Variants in SUPT3H observed in about 807,000 individuals in gnomAD.
SUPT3H encodes the protein SPT3 homolog, SAGA and STAGA complex component.
SUPT3H carries 44 observed loss-of-function variants against 44.3 expected under a neutral mutation model. That is an observed-to-expected ratio of 0.99 (90% CI 0.78 to 1.28). The LOEUF is 1.28. SUPT3H is among the 50% of genes most tolerant of loss of function. The pLI, the probability that SUPT3H is intolerant of heterozygous loss-of-function variation, is 0.00. For missense variants in SUPT3H, 380 were observed against 387.1 expected, an observed-to-expected ratio of 0.98 and a Z score of 0.15; for synonymous variants, 124 against 125.6, an observed-to-expected ratio of 0.99 and a Z score of 0.09.
At chr6:45,167,695 A>T (rs1045094203) in intron 2 of SUPT3H, among the ~76,000 whole-genome samples, 8 of 152,020 alleles carry the variant, frequency 5.3e-5, no homozygotes, top group African/African-American at 1.9e-4. Context: ...GAATAAGGAA[A>T]ATTTAGAGGA....
At position 44,851,825 on chromosome 6, in the gene SUPT3H, C is replaced by A. The variant is rs1413432107; in HGVS notation, c.913-21968G>T. 1.9e-4 allele frequency among the ~76,000 whole-genome samples: 29 copies of A among 152,136 alleles called. 1 individual carries two copies. Among genetic ancestry groups the A allele is most frequent in the Admixed American group, 1.9e-3 (29 of 15,278 alleles). On this transcript the variant is annotated intron_variant, in intron 10 of 10. Coordinates refer to ENST00000371459, the MANE Select transcript of SUPT3H (RefSeq NM_003599.4). ...GGAGTGATTTCTATAAAAAGCTGCT[C>A]ATTGAGCCCCTGATCAAGATTATAA...
chr6:44,943,763 C>T (rs951605319), intron 9 of SUPT3H, among the ~76,000 whole-genome samples: 18 of 152,092 alleles, frequency 1.2e-4, no homozygotes, highest in African/African-American at 3.1e-4. Flanking sequence ...ATAAAACTTT[C>T]GAGACAGAAT....
intron 9 of SUPT3H, among the ~76,000 whole-genome samples, chr6:44,937,911 T>A (rs1017381305): frequency 7.2e-6 from 1 of 138,036 alleles, no homozygotes; most frequent in Non-Finnish European, 1.6e-5. Context: ...TTTTTTTTTT[T>A]TTTTTTTTTT....
intron 2 of SUPT3H, among the ~76,000 whole-genome samples, chr6:45,225,274 C>T (rs1369617035): frequency 1.6e-5 from 1 of 62,132 alleles, no homozygotes; most frequent in South Asian, 8.2e-4. Flanking sequence ...AGCGAAACTC[C>T]ATCTAAAAAA....
At chr6:45,230,686 A>ATATATATATATATATTTT (rs796866510) in intron 2 of SUPT3H, among the ~76,000 whole-genome samples, 8 of 116,814 alleles carry the variant, frequency 6.8e-5, no homozygotes, top group South Asian at 6.2e-4. Context: ...ATATATATAT[A>ATATATATATATATATTTT]TTTTTGAGAT....
At chr6:45,140,749 G>T (rs1208013349) in intron 2 of SUPT3H, among the ~76,000 whole-genome samples, 2 of 152,078 alleles carry the variant, frequency 1.3e-5, no homozygotes, top group Non-Finnish European at 2.9e-5. Flanking sequence ...ACATTCCCCA[G>T]CACCAGCCCA....
In SUPT3H at chr6:45,003,758, T is replaced by C; in HGVS notation, c.399A>G (p.Arg133=). ...KLSGSNNANK[R]QKIAQDFLNS... Reference sequence around the variant, plus strand: ...TGAGGAAGTCCTGAGCAATCTTTTGTCTTTTGTTCGCATTATTGCTGCCAC... The same window carrying C: ...TGAGGAAGTCCTGAGCAATCTTTTGCCTTTTGTTCGCATTATTGCTGCCAC... Residue 133 remains arginine, a synonymous_variant, in exon 6 of 11, where the codon AGA becomes AGG. Transcript: ENST00000371459. 3 of 1,613,792 alleles carry C rather than the reference T, an allele frequency of 1.9e-6. No homozygotes were observed. Among genetic ancestry groups the C allele is most frequent in the Non-Finnish European group, 2.5e-6 (3 of 1,179,824 alleles).
At chr6:45,279,102 T>G (rs543296182) in intron 2 of SUPT3H, among the ~76,000 whole-genome samples, 1 of 152,248 alleles carries the variant, frequency 6.6e-6, no homozygotes, top group African/African-American at 2.4e-5. Context: ...AAGATACTTA[T>G]GTTTCTTAGT....
In SUPT3H at chr6:44,952,729, T is replaced by C. The variant is rs115960227; in HGVS notation, c.801+581A>G. Among the ~76,000 whole-genome samples, 432 of 152,296 alleles carry C rather than the reference T, an allele frequency of 2.8e-3. 1 individual carries two copies. Among genetic ancestry groups the C allele is most frequent in the Non-Finnish European group, 5.4e-3 (366 of 68,024 alleles). ...CAGAGGAGATTCTGTATACTAAAAG[T>C]GGTGCACAGTTATTATACAGAGCCT... is the stretch of plus-strand genomic sequence containing the variant. On this transcript the variant is annotated intron_variant, in intron 9 of 10. Coordinates refer to ENST00000371459, the MANE Select transcript of SUPT3H (RefSeq NM_003599.4).
chr6:44,931,759 T>A (rs1187516389), intron 10 of SUPT3H, among the ~76,000 whole-genome samples: 1 of 152,110 alleles, frequency 6.6e-6, no homozygotes, highest in East Asian at 1.9e-4. Flanking sequence ...GAAAGCATTC[T>A]ATTTAACTAA....
chr6:45,079,412 AAGGAAGAAGAAGGGGGAAGAGG>A (rs145457690), intron 3 of SUPT3H, among the ~76,000 whole-genome samples: 32,454 of 147,830 alleles, frequency 0.22, 4,352 homozygotes, highest in Non-Finnish European at 0.31. Context: ...TGGGGAGGAG[AAGGAAGAAGAAGGGGGAAGAGG>A]AGGAAGAAGA....
intron 11 of SUPT3H, among the ~76,000 whole-genome samples, chr6:44,811,000 CTAT>C (rs1359728398): frequency 5.9e-5 from 9 of 152,152 alleles, no homozygotes; most frequent in African/African-American, 2.2e-4. Context: ...CTACTTTCCT[CTAT>C]TATTAGTAAT....
chr6:45,112,011 T>C (rs536929712), intron 2 of SUPT3H, among the ~76,000 whole-genome samples: 1 of 152,324 alleles, frequency 6.6e-6, no homozygotes, highest in Admixed American at 6.5e-5. Context: ...CTGGTTCTAG[T>C]TCCCACTATG....
At chr6:45,036,713 T>C (rs144225661) in intron 3 of SUPT3H, among the ~76,000 whole-genome samples, 1 of 152,318 alleles carries the variant, frequency 6.6e-6, no homozygotes, top group East Asian at 1.9e-4. Flanking sequence ...ATTAAGGTAG[T>C]TTAAGACATG....
chr6:45,232,857 C>T (rs1195607536), intron 2 of SUPT3H, among the ~76,000 whole-genome samples: 1 of 152,146 alleles, frequency 6.6e-6, no homozygotes, highest in Non-Finnish European at 1.5e-5. Flanking sequence ...CCACTCACAG[C>T]CCTGGAAAGC....
At chr6:45,097,643 G>A (rs1486238531) in intron 3 of SUPT3H, 1 of 152,144 alleles carries the variant, frequency 6.6e-6, no homozygotes, top group Non-Finnish European at 1.5e-5. Flanking sequence ...GGTCCCCAAA[G>A]GTTCCTGCTA....
chr6:45,264,004 T>C (rs1184569938), intron 2 of SUPT3H, among the ~76,000 whole-genome samples: 3 of 152,114 alleles, frequency 2.0e-5, no homozygotes, highest in Non-Finnish European at 2.9e-5. Context: ...CAACATAAAA[T>C]TGAAAGAAAA....
At chr6:45,305,005 G>C (rs1039773548) in intron 2 of SUPT3H, among the ~76,000 whole-genome samples, 4 of 152,112 alleles carry the variant, frequency 2.6e-5, no homozygotes, top group Admixed American at 6.5e-5. Flanking sequence ...TATCCAATAG[G>C]AATCACAGAG....
chr6:44,950,689 T>C (rs558974808), intron 9 of SUPT3H, among the ~76,000 whole-genome samples: 2 of 152,182 alleles, frequency 1.3e-5, no homozygotes, highest in Admixed American at 1.3e-4. Flanking sequence ...CAGTTCCTTA[T>C]ATGGTTAGTG....
Sources: gnomAD v4.1 joint callset for allele counts (sites outside exome capture counted in the v4.1 genomes callset) on GRCh38, gnomAD v4.1.1 for gene constraint, MANE v1.5 for transcripts, NCBI Gene and HGNC (gene_info 2026-07-23, HGNC 2026-07-21) for gene names.